SLC39A11: variants seen among roughly 807,000 people sequenced by gnomAD.
SLC39A11 encodes the protein solute carrier family 39 member 11, also known as zinc transporter ZIP11.
Under a neutral mutation model 36.1 loss-of-function variants are expected in SLC39A11, and 33 were observed. The observed-to-expected ratio is 0.91, with a 90% CI of 0.69 to 1.22. The LOEUF (loss-of-function observed/expected upper bound fraction) is 1.22, where lower values mean the gene tolerates loss of function less well. Among genes scored for constraint, SLC39A11 ranks in the 50% most tolerant of loss-of-function variants. SLC39A11 has a pLI of 0.00. For synonymous variants in SLC39A11, 166 were observed against 170.3 expected (o/e 0.97, Z 0.20); for missense variants, 432 against 430.3 (o/e 1.00, Z -0.03).
At chr17:72,929,543 G>A (rs1209095887) in intron 5 of SLC39A11, among the ~76,000 whole-genome samples, 1 of 152,164 alleles carries the variant, frequency 6.6e-6, no homozygotes, top group Non-Finnish European at 1.5e-5. Flanking sequence ...CATCGCTGCA[G>A]CCTTGGAAGA....
At chr17:72,985,941 C>G (rs549690972) in intron 4 of SLC39A11, among the ~76,000 whole-genome samples, 1 of 152,184 alleles carries the variant, frequency 6.6e-6, no homozygotes, top group South Asian at 2.1e-4. Context: ...GACACAGAGA[C>G]AGGCACACAA....
chr17:73,056,965 T>G (rs1231948792), intron 3 of SLC39A11, among the ~76,000 whole-genome samples: 2 of 152,210 alleles, frequency 1.3e-5, no homozygotes, highest in Non-Finnish European at 2.9e-5. Flanking sequence ...GGATGCATTT[T>G]TTTTCTTTTC....
chr17:72,694,337 T>C (rs2072183334), intron 7 of SLC39A11, among the ~76,000 whole-genome samples: 1 of 152,208 alleles, frequency 6.6e-6, no homozygotes, highest in South Asian at 2.1e-4. Context: ...TTTATTAAAC[T>C]TCAGGAAGGA....
At chr17:72,991,606 G>A (rs188134776) in intron 4 of SLC39A11, among the ~76,000 whole-genome samples, 17 of 149,552 alleles carry the variant, frequency 1.1e-4, no homozygotes, top group Non-Finnish European at 2.5e-4. Context: ...TAATCCCCCC[G>A]CCTTGGCCTC....
chr17:72,670,067 T>C (rs1221702278), intron 7 of SLC39A11, among the ~76,000 whole-genome samples: 2 of 151,202 alleles, frequency 1.3e-5, no homozygotes, highest in African/African-American at 4.9e-5. Flanking sequence ...TATACACATA[T>C]ATATACGTAT....
At chr17:72,862,162 G>C (rs939558175) in intron 5 of SLC39A11, among the ~76,000 whole-genome samples, 7 of 152,066 alleles carry the variant, frequency 4.6e-5, no homozygotes, top group Non-Finnish European at 1.0e-4. Context: ...TCCAATTAGT[G>C]CTATGCCAAG....
intron 7 of SLC39A11, among the ~76,000 whole-genome samples, chr17:72,685,303 G>T (rs778634562): frequency 2.0e-5 from 1 of 51,064 alleles, no homozygotes; most frequent in Non-Finnish European, 3.8e-5. Context: ...GTTTAGGAAG[G>T]GTGTTTAGAG....
At chr17:73,067,542 T>G (rs766101193) in intron 3 of SLC39A11, among the ~76,000 whole-genome samples, 3 of 152,160 alleles carry the variant, frequency 2.0e-5, no homozygotes, top group Non-Finnish European at 4.4e-5. Flanking sequence ...TGTTTTTTCT[T>G]TTTTTTGAGA....
In SLC39A11 at chr17:72,921,293, G is replaced by A. The variant is rs565399607; in HGVS notation, c.430+26459C>T. Among the ~76,000 whole-genome samples, 7 of 152,306 alleles carry A rather than the reference G, an allele frequency of 4.6e-5. No homozygotes were observed. In the East Asian group the frequency reaches 5.8e-4, roughly 13 times the overall value. ...ATTTGGAGAGTGTGACACCGAAGGC[G>A]AGAGTTCTTCCACGGGGGGATCAAC... On this transcript the variant is annotated intron_variant, in intron 5 of 9. Coordinates refer to ENST00000255559, the MANE Select transcript of SLC39A11 (RefSeq NM_139177.4).
In SLC39A11 at chr17:72,762,083, G is replaced by A. The variant is rs190800237; in HGVS notation, c.602-25364C>T. Among the ~76,000 whole-genome samples the A allele has an allele frequency of 1.1e-3, 170 of 152,332 alleles. 1 individual carries two copies. Among genetic ancestry groups the A allele is most frequent in the Middle Eastern group, 6.8e-3 (2 of 294 alleles). ...GGAGTCTGGATGTGCTGCTGTCAGCGTCAGAGGCGTTGGAACAAGAGCAAC... is the reference window on the plus strand; with the variant it reads ...GGAGTCTGGATGTGCTGCTGTCAGCATCAGAGGCGTTGGAACAAGAGCAAC... On this transcript the variant is annotated intron_variant, in intron 6 of 9. Transcript: ENST00000255559.
chr17:72,729,451 ATATATATTTTT>A (rs2074120310), intron 7 of SLC39A11, among the ~76,000 whole-genome samples: 1 of 6,450 alleles, frequency 1.6e-4, no homozygotes, highest in African/African-American at 4.7e-4. Flanking sequence ...ATATATATAT[ATATATATTTTT>A]TTTTTTTTTT....
chr17:72,827,653 A>G (rs144918267), intron 6 of SLC39A11, among the ~76,000 whole-genome samples: 1 of 152,358 alleles, frequency 6.6e-6, no homozygotes, highest in African/African-American at 2.4e-5. Flanking sequence ...CATGAGTTTG[A>G]TATGAAGGAA....
intron 4 of SLC39A11, among the ~76,000 whole-genome samples, chr17:73,004,032 G>A (rs934268043): frequency 6.6e-6 from 1 of 151,276 alleles, no homozygotes; most frequent in Non-Finnish European, 1.5e-5. Flanking sequence ...GTTGCAGTAA[G>A]CCAAGATCGC....
intron 6 of SLC39A11, among the ~76,000 whole-genome samples, chr17:72,807,206 G>C (rs2077284648): frequency 6.6e-6 from 1 of 151,936 alleles, no homozygotes; most frequent in African/African-American, 2.4e-5. Flanking sequence ...ATGTTTCCTT[G>C]TGACCTCTGC....
chr17:72,911,701 T>C (rs1314643815), intron 5 of SLC39A11, among the ~76,000 whole-genome samples: 1 of 152,140 alleles, frequency 6.6e-6, no homozygotes, highest in African/African-American at 2.4e-5. Flanking sequence ...TGGAGTACAA[T>C]GGTGTGATCT....
At chr17:72,667,155 C>A (rs2070791561) in intron 7 of SLC39A11, among the ~76,000 whole-genome samples, 1 of 152,152 alleles carries the variant, frequency 6.6e-6, no homozygotes, top group South Asian at 2.1e-4. Flanking sequence ...ATTCTCTAGA[C>A]CTCCCTGAAG....
At chr17:72,870,619 C>T (rs539716106) in intron 5 of SLC39A11, among the ~76,000 whole-genome samples, 1 of 152,366 alleles carries the variant, frequency 6.6e-6, no homozygotes, top group Non-Finnish European at 1.5e-5. Flanking sequence ...GATGCAGAGA[C>T]CCCTCTCCCC....
At chr17:72,746,621 C>T (rs1012488761) in intron 6 of SLC39A11, among the ~76,000 whole-genome samples, 2 of 152,044 alleles carry the variant, frequency 1.3e-5, no homozygotes, top group Admixed American at 6.6e-5. Flanking sequence ...ACCTGTAGTC[C>T]CAGCTACTCG....
intron 7 of SLC39A11, among the ~76,000 whole-genome samples, chr17:72,658,092 C>T (rs2070225672): frequency 6.6e-6 from 1 of 152,202 alleles, no homozygotes; most frequent in Non-Finnish European, 1.5e-5. Flanking sequence ...ATTCAGGCTG[C>T]TTAGGAAACC....
Sources: gnomAD v4.1 joint callset for allele counts (sites outside exome capture counted in the v4.1 genomes callset) on GRCh38, gnomAD v4.1.1 for gene constraint, MANE v1.5 for transcripts, NCBI Gene and HGNC (gene_info 2026-07-23, HGNC 2026-07-21) for gene names.